The following MAPKAP1 variants were observed in gnomAD, a reference collection of about 807,000 sequenced individuals.
The protein encoded by MAPKAP1 is MAPK associated protein 1, also known as target of rapamycin complex 2 subunit MAPKAP1.
MAPKAP1 carries 20 observed loss-of-function variants against 65.7 expected under a neutral mutation model. That is an observed-to-expected ratio of 0.30 (90% confidence interval 0.21 to 0.44). The LOEUF is 0.44. MAPKAP1 is among the 20% of genes least tolerant of loss of function. MAPKAP1 has a pLI of 1.00. For missense variants in MAPKAP1, 423 were observed against 648.0 expected, an observed-to-expected ratio of 0.65 and a Z score of 3.77; for synonymous variants, 222 against 244.3, an observed-to-expected ratio of 0.91 and a Z score of 0.85.
intron 5 of MAPKAP1, among the ~76,000 whole-genome samples, chr9:125,583,133 C>T (rs1449988303): frequency 6.6e-6 from 1 of 152,194 alleles, no homozygotes; most frequent in Non-Finnish European, 1.5e-5. Flanking sequence ...AATAGCATTT[C>T]ATTTACTATT....
At chr9:125,537,309 G>T (rs370762718) in intron 7 of MAPKAP1, among the ~76,000 whole-genome samples, 1 of 152,120 alleles carries the variant, frequency 6.6e-6, no homozygotes, top group African/African-American at 2.4e-5. Context: ...CATTTCTAAA[G>T]CCTCATCTTC....
At chr9:125,554,539 CTGTA>C (rs1450589201) in intron 6 of MAPKAP1, among the ~76,000 whole-genome samples, 1,653 of 152,272 alleles carry the variant, frequency 0.011, 32 homozygotes, top group African/African-American at 0.037. Context: ...TGGCTCATGC[CTGTA>C]ATCCTAACAC....
chr9:125,590,635 A>G (rs1831930095), intron 4 of MAPKAP1, among the ~76,000 whole-genome samples: 1 of 151,650 alleles, frequency 6.6e-6, no homozygotes, highest in Non-Finnish European at 1.5e-5. Context: ...GGGCAACAAG[A>G]GTCAAACTCC....
intron 3 of MAPKAP1, among the ~76,000 whole-genome samples, chr9:125,663,479 C>T (rs1365722307): frequency 1.3e-5 from 2 of 152,132 alleles, no homozygotes; most frequent in East Asian, 3.9e-4. Context: ...CCTTACCTGG[C>T]TATATTCTTC....
intron 4 of MAPKAP1, among the ~76,000 whole-genome samples, chr9:125,614,489 T>C (rs957733410): frequency 2.0e-5 from 3 of 152,048 alleles, no homozygotes; most frequent in Non-Finnish European, 2.9e-5. Flanking sequence ...CCGGGTGTGG[T>C]AGCAGGCGCC....
chr9:125,451,048 A>G (rs1042519871), intron 10 of MAPKAP1: 2 of 152,170 alleles, frequency 1.3e-5, no homozygotes, highest in African/African-American at 4.8e-5. Flanking sequence ...GATGTGCCTG[A>G]CCTACTTACA....
At chr9:125,453,286 G>A (rs1460784343) in intron 10 of MAPKAP1, among the ~76,000 whole-genome samples, 4 of 152,202 alleles carry the variant, frequency 2.6e-5, no homozygotes, top group Non-Finnish European at 4.4e-5. Context: ...GGCTGGTCTC[G>A]TACTCCTGAC....
Position 125,509,352 on chromosome 9 carries a change from T to C in MAPKAP1, c.959-2935A>G, listed in dbSNP as rs536744717. On this transcript the variant is annotated intron_variant, in intron 7 of 11. Transcript: ENST00000265960. ...GTTATTCCTAAAATGTGAATAGTAG[T>C]TATAATTGATAGTGGAATTAATAAT... is the stretch of plus-strand genomic sequence containing the variant. Among the ~76,000 whole-genome samples, 4 of 152,342 alleles carry C rather than the reference T, an allele frequency of 2.6e-5. No homozygotes were observed. In the South Asian group the frequency reaches 6.2e-4, roughly 24 times the overall value.
At chr9:125,497,285 A>G (rs1307307165) in intron 8 of MAPKAP1, among the ~76,000 whole-genome samples, 21 of 152,204 alleles carry the variant, frequency 1.4e-4, no homozygotes, top group Admixed American at 1.4e-3. Flanking sequence ...GAAATAATGG[A>G]TGAACTTAAA....
At chr9:125,523,749 T>A (rs368468922) in intron 7 of MAPKAP1, among the ~76,000 whole-genome samples, 1 of 152,216 alleles carries the variant, frequency 6.6e-6, no homozygotes, top group Non-Finnish European at 1.5e-5. Flanking sequence ...GCCTTTGTGA[T>A]CTAACCCTGG....
At chr9:125,515,849 T>C (rs1250517817) in intron 7 of MAPKAP1, among the ~76,000 whole-genome samples, 1 of 152,132 alleles carries the variant, frequency 6.6e-6, no homozygotes, top group African/African-American at 2.4e-5. Context: ...ACAACAACAG[T>C]GCCATCATGG....
chr9:125,682,996 T>C (rs1230599317), intron 1 of MAPKAP1, among the ~76,000 whole-genome samples: 3 of 151,768 alleles, frequency 2.0e-5, no homozygotes, highest in Non-Finnish European at 4.4e-5. Context: ...TTTGCTCTTG[T>C]TGCCCAGGCT....
chr9:125,653,070 G>A (rs1228836654), intron 4 of MAPKAP1, among the ~76,000 whole-genome samples: 7 of 152,212 alleles, frequency 4.6e-5, no homozygotes, highest in African/African-American at 1.7e-4. Flanking sequence ...TGTTTCCTAT[G>A]TGCTACACGT....
intron 4 of MAPKAP1, among the ~76,000 whole-genome samples, chr9:125,617,960 G>A (rs1358638428): frequency 2.0e-5 from 3 of 152,070 alleles, no homozygotes; most frequent in South Asian, 2.1e-4. Context: ...TGTCTACTCA[G>A]TATTTAATTT....
intron 11 of MAPKAP1, among the ~76,000 whole-genome samples, chr9:125,443,778 C>T (rs984217255): frequency 2.1e-5 from 3 of 146,174 alleles, no homozygotes; most frequent in Admixed American, 7.1e-5. Flanking sequence ...TGTGGTGCTT[C>T]CTCTCTCTTT....
At chr9:125,647,207 C>T (rs910709957) in intron 4 of MAPKAP1, among the ~76,000 whole-genome samples, 2 of 152,180 alleles carry the variant, frequency 1.3e-5, no homozygotes, top group South Asian at 2.1e-4. Context: ...AAATTTCTTA[C>T]ATGTATCTTT....
intron 1 of MAPKAP1, among the ~76,000 whole-genome samples, chr9:125,689,608 G>A (rs1174118323): frequency 1.4e-5 from 2 of 147,936 alleles, no homozygotes; most frequent in African/African-American, 5.0e-5. Context: ...GCGTGGTGGT[G>A]GGTGCCTGTA....
intron 1 of MAPKAP1, among the ~76,000 whole-genome samples, chr9:125,673,960 A>AAAAT (rs113417867): frequency 6.6e-6 from 1 of 151,546 alleles, no homozygotes; most frequent in Non-Finnish European, 1.5e-5. Flanking sequence ...AAAACAAAAC[A>AAAAT]AAACATACAA....
At chr9:125,669,775 A>G in intron 3 of MAPKAP1, 43 bp downstream of exon 3, 1 of 1,032,188 alleles carries the variant, frequency 9.7e-7, no homozygotes, top group Non-Finnish European at 1.4e-6. Context: ...AATAAACTAA[A>G]TATATAAATC....
Sources: gnomAD v4.1 joint callset for allele counts (sites outside exome capture counted in the v4.1 genomes callset) on GRCh38, gnomAD v4.1.1 for gene constraint, MANE v1.5 for transcripts, NCBI Gene and HGNC (gene_info 2026-07-23, HGNC 2026-07-21) for gene names.